The following SCFD2 variants were observed in gnomAD, a reference collection of about 807,000 sequenced individuals.
SCFD2 encodes the protein sec1 family domain-containing protein 2.
A neutral mutation model predicts 58.9 loss-of-function variants in SCFD2; 54 were observed. That is an observed-to-expected ratio of 0.92 (90% CI 0.74 to 1.15). The LOEUF (loss-of-function observed/expected upper bound fraction) is 1.15. SCFD2 is among the 50% of genes most tolerant of loss of function. The probability of loss-of-function intolerance (pLI) is 0.00; values close to 1 mark genes in which losing one functional copy is unlikely to be tolerated. For synonymous variants in SCFD2, 321 were observed against 335.9 expected (o/e 0.96, Z 0.49); for missense variants, 805 against 836.6 (o/e 0.96, Z 0.47).
chr4:53,199,952 GTGAGAGTGAGAGCAAGAGAGGGA>G (rs1728177156), intron 4 of SCFD2, among the ~76,000 whole-genome samples: 1 of 149,944 alleles, frequency 6.7e-6, no homozygotes, highest in African/African-American at 2.5e-5. Context: ...GCAAGAGAGA[GTGAGAGTGAGAGCAAGAGAGGGA>G]GAGAGAGAGA....
At chr4:53,117,332 G>C (rs970005356) in intron 5 of SCFD2, among the ~76,000 whole-genome samples, 4 of 152,104 alleles carry the variant, frequency 2.6e-5, no homozygotes, top group African/African-American at 9.7e-5. Flanking sequence ...ATAGAGAAGA[G>C]GTGCATTCTT....
intron 5 of SCFD2, among the ~76,000 whole-genome samples, chr4:52,968,270 T>C (rs981383040): frequency 6.6e-6 from 1 of 152,234 alleles, no homozygotes; most frequent in African/African-American, 2.4e-5. Flanking sequence ...AGCATTGTTG[T>C]TTGACATTTT....
intron 5 of SCFD2, among the ~76,000 whole-genome samples, chr4:53,050,603 T>A (rs771035383): frequency 6.6e-6 from 1 of 152,138 alleles, no homozygotes; most frequent in Non-Finnish European, 1.5e-5. Flanking sequence ...AGGCAGATAA[T>A]GCACCTGATT....
At chr4:53,328,768 C>T (rs1254430160) in intron 2 of SCFD2, among the ~76,000 whole-genome samples, 8 of 152,256 alleles carry the variant, frequency 5.3e-5, no homozygotes, top group African/African-American at 1.2e-4. Flanking sequence ...GGAACAGCTC[C>T]GGTCTACAGC....
intron 4 of SCFD2, among the ~76,000 whole-genome samples, chr4:53,191,986 A>G (rs963944883): frequency 3.3e-5 from 5 of 152,154 alleles, no homozygotes; most frequent in African/African-American, 1.2e-4. Flanking sequence ...GAACAGTAAT[A>G]TTAACATTTA....
intron 5 of SCFD2, chr4:52,948,514 A>G (rs1261798804): frequency 4.4e-6 from 2 of 456,480 alleles, no homozygotes; most frequent in Non-Finnish European, 4.4e-6. Flanking sequence ...CCAATGAGCT[A>G]GTGAAAATGC....
intron 5 of SCFD2, among the ~76,000 whole-genome samples, chr4:53,056,349 T>C (rs1334249123): frequency 1.3e-5 from 2 of 152,112 alleles, no homozygotes; most frequent in East Asian, 3.9e-4. Flanking sequence ...ATCCCAACCA[T>C]TCAGCCTCAG....
At chr4:53,088,706 G>T (rs1451220840) in intron 5 of SCFD2, among the ~76,000 whole-genome samples, 1 of 152,108 alleles carries the variant, frequency 6.6e-6, no homozygotes, top group Non-Finnish European at 1.5e-5. Context: ...ATCTGATTTA[G>T]ATGATATTTA....
intron 5 of SCFD2, among the ~76,000 whole-genome samples, chr4:53,141,585 T>C (rs1475878940): frequency 2.6e-5 from 4 of 151,976 alleles, no homozygotes; most frequent in African/African-American, 9.7e-5. Context: ...TTTATATACA[T>C]GTACAATGCT....
chr4:53,341,650 A>C (rs984286456), intron 2 of SCFD2, among the ~76,000 whole-genome samples: 11 of 152,146 alleles, frequency 7.2e-5, no homozygotes, highest in African/African-American at 2.2e-4. Flanking sequence ...CAAGACACAT[A>C]ATTGTCAGAT....
intron 5 of SCFD2, among the ~76,000 whole-genome samples, chr4:53,030,645 C>T (rs1722594224): frequency 6.6e-6 from 1 of 152,190 alleles, no homozygotes; most frequent in Admixed American, 6.5e-5. Flanking sequence ...TGGTCTCGAA[C>T]TCCTGACCTC....
At chr4:53,284,553 GAT>G (rs10557717) in intron 3 of SCFD2, among the ~76,000 whole-genome samples, 71,652 of 151,778 alleles carry the variant, frequency 0.47, 18,083 homozygotes, top group Admixed American at 0.56. Context: ...AGAATGGACA[GAT>G]GTGTATTTTT....
At chr4:53,257,073 C>T (rs1439713371) in intron 4 of SCFD2, among the ~76,000 whole-genome samples, 1 of 151,716 alleles carries the variant, frequency 6.6e-6, no homozygotes. Flanking sequence ...CTCTATGTAA[C>T]AAACCTACAC....
At chr4:53,138,670 A>G (rs1472185835) in intron 5 of SCFD2, among the ~76,000 whole-genome samples, 1 of 152,236 alleles carries the variant, frequency 6.6e-6, no homozygotes, top group African/African-American at 2.4e-5. Context: ...AAAAGTATCT[A>G]TGAAAAAGTG....
intron 5 of SCFD2, among the ~76,000 whole-genome samples, chr4:53,077,440 T>C (rs983756557): frequency 7.2e-5 from 11 of 152,152 alleles, no homozygotes; most frequent in African/African-American, 1.2e-4. Flanking sequence ...CATTTATTTT[T>C]TATTTATTAT....
At chr4:53,275,780 T>G (rs1731308333) in intron 3 of SCFD2, among the ~76,000 whole-genome samples, 1 of 152,226 alleles carries the variant, frequency 6.6e-6, no homozygotes, top group Non-Finnish European at 1.5e-5. Context: ...TCACATAGTA[T>G]GTAGCCATTT....
At chr4:53,081,884 G>T (rs1724158127) in intron 5 of SCFD2, among the ~76,000 whole-genome samples, 2 of 152,002 alleles carry the variant, frequency 1.3e-5, no homozygotes, top group African/African-American at 4.8e-5. Context: ...ATCAGCCCTA[G>T]GCAATATTAA....
At chr4:53,062,624 G>A (rs1723547091) in intron 5 of SCFD2, among the ~76,000 whole-genome samples, 1 of 152,092 alleles carries the variant, frequency 6.6e-6, no homozygotes, top group African/African-American at 2.4e-5. Flanking sequence ...CAGCTGGGGA[G>A]CCTGGGAGTG....
chr4:52,898,001 A>G (rs1487566185), intron 7 of SCFD2, among the ~76,000 whole-genome samples: 1 of 152,146 alleles, frequency 6.6e-6, no homozygotes, highest in East Asian at 1.9e-4. Context: ...TGGTGGTGAT[A>G]TCCCCTTTGT....
Sources: gnomAD v4.1 joint callset for allele counts (sites outside exome capture counted in the v4.1 genomes callset) on GRCh38, gnomAD v4.1.1 for gene constraint, MANE v1.5 for transcripts, NCBI Gene and HGNC (gene_info 2026-07-23, HGNC 2026-07-21) for gene names.